SLC25A48: variants seen among roughly 807,000 people sequenced by gnomAD.
The protein encoded by SLC25A48 is solute carrier family 25 member 48.
A neutral mutation model predicts 32.2 loss-of-function variants in SLC25A48; 29 were observed. That is an observed-to-expected ratio of 0.90 (90% CI 0.67 to 1.23). The LOEUF (loss-of-function observed/expected upper bound fraction) is 1.23, where lower values mean the gene tolerates loss of function less well. Among genes scored for constraint, SLC25A48 ranks in the 50% most tolerant of loss-of-function variants. The pLI is 0.00. For missense variants in SLC25A48, 399 were observed against 422.7 expected, an observed-to-expected ratio of 0.94 and a Z score of 0.49; for synonymous variants, 164 against 172.3, an observed-to-expected ratio of 0.95 and a Z score of 0.38.
intron 3 of SLC25A48, among the ~76,000 whole-genome samples, chr5:135,763,846 C>T (rs1168729126): frequency 1.3e-5 from 2 of 151,868 alleles, no homozygotes; most frequent in African/African-American, 4.8e-5. Context: ...ATTCAGCATC[C>T]GTCTCAATTT....
rs17168949 is a variant in SLC25A48, at chr5:135,710,416, G to A, written c.-521+75460G>A. On this transcript the variant is annotated intron_variant, in intron 3 of 10. Transcript: ENST00000646290. ...GTGTGATGCCTCTGAAGCCATTGCC[G>A]TCTCTTTTGCTGGTTCTGGTTTTGT... Among the ~76,000 whole-genome samples the A allele has an allele frequency of 4.7e-3, 720 of 152,268 alleles. 9 individuals are homozygous for A. Among genetic ancestry groups the A allele is most frequent in the African/African-American group, 0.016 (661 of 41,554 alleles).
chr5:135,697,594 C>G (rs538366407), intron 3 of SLC25A48, among the ~76,000 whole-genome samples: 1 of 152,214 alleles, frequency 6.6e-6, no homozygotes, highest in African/African-American at 2.4e-5. Flanking sequence ...ACTGCACACT[C>G]TCATCCCCTG....
chr5:135,623,196 A>G (rs1752365813), intron 1 of SLC25A48, among the ~76,000 whole-genome samples: 1 of 152,250 alleles, frequency 6.6e-6, no homozygotes, highest in African/African-American at 2.4e-5. Flanking sequence ...TAAAGACTCT[A>G]GTATGAGACT....
chr5:135,599,944 A>G (rs928520943), intron 1 of SLC25A48, among the ~76,000 whole-genome samples: 4 of 151,824 alleles, frequency 2.6e-5, no homozygotes, highest in Non-Finnish European at 4.4e-5. Flanking sequence ...AGAGGAGTCT[A>G]TTCCTGTCTG....
intron 4 of SLC25A48, 41 bp from the exon 5 acceptor site, chr5:135,871,420 A>G: frequency 6.4e-7 from 1 of 1,554,440 alleles, no homozygotes; most frequent in Non-Finnish European, 8.7e-7. Flanking sequence ...AGTCTCTTAC[A>G]CCCTGGGTCA....
intron 1 of SLC25A48, among the ~76,000 whole-genome samples, chr5:135,588,095 C>T (rs767487334): frequency 8.5e-5 from 13 of 152,210 alleles, no homozygotes; most frequent in Admixed American, 3.9e-4. Context: ...TCGTGGCTGA[C>T]GGTCCAGTGT....
intron 3 of SLC25A48, among the ~76,000 whole-genome samples, chr5:135,651,656 T>C (rs1329570479): frequency 6.6e-6 from 1 of 152,234 alleles, no homozygotes; most frequent in African/African-American, 2.4e-5. Context: ...CAGAGTTAAT[T>C]CTGCTCTTTT....
At chr5:135,876,532 C>T (rs552572968) in intron 6 of SLC25A48, among the ~76,000 whole-genome samples, 1 of 151,974 alleles carries the variant, frequency 6.6e-6, no homozygotes, top group Non-Finnish European at 1.5e-5. Context: ...TTGTATTAAT[C>T]AGTCAAAAAT....
chr5:135,766,022 A>G (rs1341953178), intron 3 of SLC25A48, among the ~76,000 whole-genome samples: 1 of 151,728 alleles, frequency 6.6e-6, no homozygotes, highest in Admixed American at 6.6e-5. Context: ...TACTCTCCAT[A>G]TCACAGGGGG....
intron 6 of SLC25A48, chr5:135,874,923 G>T: frequency 2.3e-6 from 1 of 442,600 alleles, no homozygotes; most frequent in Admixed American, 4.3e-5. Context: ...AAAGTCAGAT[G>T]TAGCTACTGT....
At chr5:135,794,035 C>T (rs1043307352) in intron 3 of SLC25A48, among the ~76,000 whole-genome samples, 1 of 151,778 alleles carries the variant, frequency 6.6e-6, no homozygotes, top group Non-Finnish European at 1.5e-5. Flanking sequence ...AATTATATTA[C>T]TCCTAATATC....
chr5:135,704,551 G>A (rs1290458201), intron 3 of SLC25A48, among the ~76,000 whole-genome samples: 1 of 152,162 alleles, frequency 6.6e-6, no homozygotes, highest in African/African-American at 2.4e-5. Flanking sequence ...ACATGTAAGG[G>A]TCAGATAGGA....
At chr5:135,636,388 G>A (rs1752705801) in intron 3 of SLC25A48, among the ~76,000 whole-genome samples, 1 of 152,174 alleles carries the variant, frequency 6.6e-6, no homozygotes, top group Non-Finnish European at 1.5e-5. Flanking sequence ...GTCTCCAGTT[G>A]TAGAAAGGTC....
chr5:135,780,792 G>T (rs1197915723), intron 3 of SLC25A48, among the ~76,000 whole-genome samples: 1 of 114,942 alleles, frequency 8.7e-6, no homozygotes, highest in African/African-American at 2.6e-5. Context: ...ATCCGGGGAG[G>T]TGGGGAGAGG....
chr5:135,703,307 A>G (rs909059373), intron 3 of SLC25A48, among the ~76,000 whole-genome samples: 11 of 152,168 alleles, frequency 7.2e-5, no homozygotes, highest in African/African-American at 2.2e-4. Context: ...GCATGCCTCC[A>G]TCTCTGAGCC....
intron 1 of SLC25A48, among the ~76,000 whole-genome samples, chr5:135,597,871 C>T (rs1751691996): frequency 6.6e-6 from 1 of 152,018 alleles, no homozygotes; most frequent in African/African-American, 2.4e-5. Context: ...GGGCATGGTG[C>T]TGCACGCCTG....
intron 3 of SLC25A48, among the ~76,000 whole-genome samples, chr5:135,702,860 A>T (rs771481377): frequency 7.9e-5 from 12 of 152,348 alleles, no homozygotes; most frequent in Non-Finnish European, 1.2e-4. Flanking sequence ...CCCTTTGAGA[A>T]AGGCTATTCA....
At chr5:135,646,092 G>A (rs1414884013) in intron 3 of SLC25A48, among the ~76,000 whole-genome samples, 1 of 152,144 alleles carries the variant, frequency 6.6e-6, no homozygotes, top group African/African-American at 2.4e-5. Flanking sequence ...TAAATAGAAG[G>A]AAGAAAGAAT....
intron 2 of SLC25A48, among the ~76,000 whole-genome samples, chr5:135,843,839 G>A (rs1759200975): frequency 6.6e-6 from 1 of 152,198 alleles, no homozygotes; most frequent in Non-Finnish European, 1.5e-5. Context: ...GCTTGGAGAG[G>A]CCAAGGGAGA....
Sources: allele counts gnomAD v4.1 joint callset (sites outside exome capture counted in the v4.1 genomes callset), GRCh38; gene constraint gnomAD v4.1.1; transcripts MANE v1.5; gene names NCBI Gene and HGNC (gene_info 2026-07-23, HGNC 2026-07-21).